Variants in NVL observed in about 807,000 individuals in gnomAD.
NVL encodes nuclear VCP like, also known as nuclear valosin-containing protein-like.
In NVL, 84 loss-of-function variants were observed where a neutral mutation model predicts 110.2. That is an observed-to-expected ratio of 0.76 (90% CI 0.64 to 0.91). The LOEUF (loss-of-function observed/expected upper bound fraction) is 0.91, where lower values mean the gene tolerates loss of function less well. Ranked by LOEUF, NVL falls within the 40% of genes least tolerant of loss-of-function variation. NVL has a pLI of 0.00. For missense variants in NVL, 882 were observed against 1,035.9 expected, an observed-to-expected ratio of 0.85 and a Z score of 2.04; for synonymous variants, 354 against 361.1, an observed-to-expected ratio of 0.98 and a Z score of 0.22.
chr1:224,266,484 C>T (rs1664514316), intron 18 of NVL, among the ~76,000 whole-genome samples: 1 of 152,168 alleles, frequency 6.6e-6, no homozygotes, highest in South Asian at 2.1e-4. Flanking sequence ...TACCCTTTCG[C>T]CTTGGGGTGA....
At chr1:224,316,987 A>G (rs534744959) in intron 4 of NVL, among the ~76,000 whole-genome samples, 33 of 151,964 alleles carry the variant, frequency 2.2e-4, no homozygotes, top group Non-Finnish European at 3.8e-4. Flanking sequence ...AAAATATAAA[A>G]AATTAGCCGG....
intron 18 of NVL, among the ~76,000 whole-genome samples, chr1:224,265,525 A>G (rs1341837370): frequency 6.6e-6 from 1 of 152,096 alleles, no homozygotes; most frequent in Non-Finnish European, 1.5e-5. Flanking sequence ...ATAAATAATA[A>G]AATAAAATAA....
At chr1:224,262,199 CAAAA>C (rs1664064068) in intron 18 of NVL, among the ~76,000 whole-genome samples, 1 of 151,512 alleles carries the variant, frequency 6.6e-6, no homozygotes. Flanking sequence ...AACAAACAAA[CAAAA>C]AGTCACATAG....
rs566992456 is a variant in NVL, at chr1:224,240,988, A to C, written c.2290-4406T>G. Among the ~76,000 whole-genome samples the C allele has an allele frequency of 1.5e-3, 222 of 151,816 alleles. 3 individuals carry two copies. The highest frequency in any genetic ancestry group is 3.2e-4 in the Non-Finnish European group (22 of 67,932). On this transcript the variant is annotated intron_variant, in intron 19 of 22. Coordinates refer to ENST00000281701, the MANE Select transcript of NVL (RefSeq NM_002533.4). ...TGTATGTTTAGTAGAGATGGGTTTC[A>C]CCATGTTGGCCAGGCTGGTCTCAAA...
intron 16 of NVL, among the ~76,000 whole-genome samples, chr1:224,278,793 C>T (rs927659471): frequency 3.9e-5 from 6 of 151,954 alleles, no homozygotes; most frequent in African/African-American, 7.2e-5. Flanking sequence ...AGAGCAGTGG[C>T]GTGATCATAG....
intron 19 of NVL, among the ~76,000 whole-genome samples, chr1:224,241,422 TTTTC>T (rs1292963635): frequency 1.3e-5 from 2 of 152,154 alleles, no homozygotes; most frequent in African/African-American, 4.8e-5. Flanking sequence ...TTAATTTGGT[TTTTC>T]TTTATGACAT....
chr1:224,228,535 C>G (rs1023582120), intron 22 of NVL, among the ~76,000 whole-genome samples: 1 of 151,374 alleles, frequency 6.6e-6, no homozygotes, highest in Non-Finnish European at 1.5e-5. Flanking sequence ...AAACTCCTGA[C>G]CTCATGATCC....
At chr1:224,318,118 C>CT (rs34742466) in intron 2 of NVL, among the ~76,000 whole-genome samples, 188 bp from the exon 3 acceptor site, 152,106 of 152,234 alleles carry the variant, frequency 1, 75,989 homozygotes, top group Middle Eastern at 1. Context: ...CATTTTCCCC[C>CT]TTTTTTAAAC....
chr1:224,256,423 TAAA>T (rs34959473), intron 18 of NVL, among the ~76,000 whole-genome samples: 5,146 of 75,522 alleles, frequency 0.068, 313 homozygotes, highest in African/African-American at 0.23. Context: ...AGGCTCCATC[TAAA>T]AAAAAAAAAA....
intron 10 of NVL, among the ~76,000 whole-genome samples, chr1:224,299,748 ATCC>A (rs1418329055): frequency 6.6e-6 from 1 of 152,000 alleles, no homozygotes; most frequent in East Asian, 1.9e-4. Context: ...TTTTCTCTTT[ATCC>A]TCCTAGTGTT....
chr1:224,278,370 T>C (rs1396677235), intron 16 of NVL, among the ~76,000 whole-genome samples: 1 of 151,838 alleles, frequency 6.6e-6, no homozygotes, highest in Non-Finnish European at 1.5e-5. Context: ...GTAGCTGGGA[T>C]TACAGACACC....
chr1:224,233,974 G>C (rs1194103552), intron 20 of NVL, among the ~76,000 whole-genome samples: 1 of 152,148 alleles, frequency 6.6e-6, no homozygotes, highest in Non-Finnish European at 1.5e-5. Context: ...AGAATTGCTT[G>C]AGCCTGGGGG....
At chr1:224,328,469 G>A (rs1301632110) in intron 1 of NVL, among the ~76,000 whole-genome samples, 36 of 144,060 alleles carry the variant, frequency 2.5e-4, no homozygotes, top group African/African-American at 2.8e-4. Context: ...GCAGTGAGCA[G>A]AAAAAAAAAA....
At chr1:224,291,046 C>A (rs1319570301) in intron 12 of NVL, among the ~76,000 whole-genome samples, 1 of 152,110 alleles carries the variant, frequency 6.6e-6, no homozygotes, top group African/African-American at 2.4e-5. Context: ...GCTCTGTTAA[C>A]CTTTGTTATC....
At chr1:224,289,352 G>A in intron 13 of NVL, 132 bp downstream of exon 13, 1 of 794,846 alleles carries the variant, frequency 1.3e-6, no homozygotes, top group South Asian at 2.3e-5. Context: ...GGGTATAAAT[G>A]ATAAGTATTC....
chr1:224,321,644 T>A (rs1670653361), intron 2 of NVL, among the ~76,000 whole-genome samples: 1 of 151,746 alleles, frequency 6.6e-6, no homozygotes, highest in South Asian at 2.1e-4. Context: ...TAGTCCTGGC[T>A]ACTTGGGAGG....
At chr1:224,253,748 AGAAAAG>A (rs1662814219) in intron 18 of NVL, among the ~76,000 whole-genome samples, 8 of 145,610 alleles carry the variant, frequency 5.5e-5, no homozygotes, top group South Asian at 2.2e-4. Flanking sequence ...AAAAAAAAAA[AGAAAAG>A]AAAAAAAGAA....
intron 17 of NVL, among the ~76,000 whole-genome samples, chr1:224,274,422 A>G (rs540992912): frequency 1.1e-4 from 16 of 151,876 alleles, no homozygotes; most frequent in Admixed American, 7.2e-4. Flanking sequence ...ACATCACCTG[A>G]GGTCAGGAGT....
chr1:224,268,547 G>T (rs1571891288), intron 17 of NVL, among the ~76,000 whole-genome samples: 1 of 152,128 alleles, frequency 6.6e-6, no homozygotes, highest in Non-Finnish European at 1.5e-5. Context: ...TGCTGTCCAG[G>T]CTGGTCGTGA....
Sources: allele counts gnomAD v4.1 joint callset (sites outside exome capture counted in the v4.1 genomes callset), GRCh38; gene constraint gnomAD v4.1.1; transcripts MANE v1.5; gene names NCBI Gene and HGNC (gene_info 2026-07-23, HGNC 2026-07-21).